Variants in SNTG1 observed in about 807,000 individuals in gnomAD.
SNTG1 encodes gamma-1-syntrophin.
Under a neutral mutation model 74.7 loss-of-function variants are expected in SNTG1, and 39 were observed. The observed-to-expected ratio is 0.52, with a 90% CI of 0.40 to 0.68. SNTG1 has a LOEUF of 0.68. Ranked by LOEUF, SNTG1 falls within the 30% of genes least tolerant of loss-of-function variation. The pLI, the probability that SNTG1 is intolerant of heterozygous loss-of-function variation, is 0.00. For synonymous variants in SNTG1, 254 were observed against 217.1 expected, an observed-to-expected ratio of 1.17 and a Z score of -1.49; for missense variants, 685 against 609.5, an observed-to-expected ratio of 1.12 and a Z score of -1.30.
intron 2 of SNTG1, among the ~76,000 whole-genome samples, chr8:50,296,598 C>G (rs1289630978): frequency 1.3e-5 from 2 of 152,080 alleles, no homozygotes; most frequent in Non-Finnish European, 2.9e-5. Flanking sequence ...ACAACACACA[C>G]TGGGGCCTGT....
intron 1 of SNTG1, among the ~76,000 whole-genome samples, chr8:50,109,472 T>C (rs900653860): frequency 6.6e-6 from 1 of 152,070 alleles, no homozygotes; most frequent in African/African-American, 2.4e-5. Flanking sequence ...GTGGGGAAAA[T>C]TGGTAAAACT....
intron 1 of SNTG1, among the ~76,000 whole-genome samples, chr8:50,071,997 A>G (rs1273166952): frequency 6.6e-6 from 1 of 152,218 alleles, no homozygotes; most frequent in African/African-American, 2.4e-5. Context: ...CTAGAAATTT[A>G]AATTATCAAA....
chr8:50,154,924 G>A (rs1380335827), intron 1 of SNTG1, among the ~76,000 whole-genome samples: 2 of 152,220 alleles, frequency 1.3e-5, no homozygotes, highest in African/African-American at 2.4e-5. Flanking sequence ...ATGTGGCAAT[G>A]TTAACCTGTT....
At chr8:50,584,707 A>G (rs1215261709) in intron 12 of SNTG1, among the ~76,000 whole-genome samples, 3 of 152,100 alleles carry the variant, frequency 2.0e-5, no homozygotes, top group Admixed American at 6.6e-5. Context: ...GTATCTGGAA[A>G]GAAACTTGAT....
intron 1 of SNTG1, among the ~76,000 whole-genome samples, chr8:50,075,076 C>A (rs1466063362): frequency 6.6e-6 from 1 of 152,218 alleles, no homozygotes; most frequent in African/African-American, 2.4e-5. Flanking sequence ...CATATTTTCA[C>A]CAGGCCTCAG....
At chr8:50,240,664 A>G (rs1372778567) in intron 2 of SNTG1, among the ~76,000 whole-genome samples, 1 of 152,142 alleles carries the variant, frequency 6.6e-6, no homozygotes, top group Non-Finnish European at 1.5e-5. Flanking sequence ...CCTCCCCGAC[A>G]TTGTCTCAGC....
intron 2 of SNTG1, among the ~76,000 whole-genome samples, chr8:50,353,067 A>G (rs1430237139): frequency 1.3e-5 from 2 of 152,096 alleles, no homozygotes; most frequent in East Asian, 1.9e-4. Context: ...ATGGAATACT[A>G]TGCAGCCATA....
intron 2 of SNTG1, among the ~76,000 whole-genome samples, chr8:50,324,219 T>A (rs1046737586): frequency 2.0e-5 from 3 of 152,096 alleles, no homozygotes; most frequent in African/African-American, 7.2e-5. Context: ...CTAATCCCAA[T>A]ATGGTTTTAT....
At chr8:50,751,323 G>T (rs1412543554) in intron 17 of SNTG1, among the ~76,000 whole-genome samples, 1 of 151,858 alleles carries the variant, frequency 6.6e-6, no homozygotes, top group Non-Finnish European at 1.5e-5. Context: ...CCTGCTCCCA[G>T]GAAATATGAT....
intron 5 of SNTG1, among the ~76,000 whole-genome samples, chr8:50,439,082 T>C (rs1358989984): frequency 6.6e-6 from 1 of 152,176 alleles, no homozygotes; most frequent in African/African-American, 2.4e-5. Flanking sequence ...TTAAAGTCTT[T>C]GCATATGCTT....
chr8:49,943,190 A>C (rs1156381782), intron 1 of SNTG1, among the ~76,000 whole-genome samples: 1 of 152,224 alleles, frequency 6.6e-6, no homozygotes. Flanking sequence ...ACGTTTCAGA[A>C]AGGTGAGGTG....
intron 1 of SNTG1, among the ~76,000 whole-genome samples, chr8:50,153,416 T>C (rs1157964264): frequency 6.6e-6 from 1 of 152,254 alleles, no homozygotes; most frequent in Non-Finnish European, 1.5e-5. Context: ...AGCATCATTC[T>C]CTCTCCAGTT....
At chr8:50,249,423 TGGG>T (rs1197331190) in intron 2 of SNTG1, among the ~76,000 whole-genome samples, 1 of 152,234 alleles carries the variant, frequency 6.6e-6, no homozygotes, top group Non-Finnish European at 1.5e-5. Context: ...CAGAGAGGTT[TGGG>T]GGCAGCCCCT....
At chr8:49,986,773 C>T (rs1035895079) in intron 1 of SNTG1, among the ~76,000 whole-genome samples, 31 of 151,620 alleles carry the variant, frequency 2.0e-4, no homozygotes, top group South Asian at 1.3e-3. Context: ...CCCAGCTGCT[C>T]GGGAGGCAGA....
chr8:50,765,593 T>C (rs2131759667), intron 18 of SNTG1, among the ~76,000 whole-genome samples: 1 of 152,124 alleles, frequency 6.6e-6, no homozygotes, highest in South Asian at 2.1e-4. Context: ...GTACATCTAT[T>C]CTATCTCCAA....
At chr8:50,047,419 CTT>C (rs1443233761) in intron 1 of SNTG1, among the ~76,000 whole-genome samples, 4 of 151,820 alleles carry the variant, frequency 2.6e-5, no homozygotes, top group South Asian at 2.1e-4. Flanking sequence ...CATTTATAAA[CTT>C]ATATTTTTTC....
intron 15 of SNTG1, among the ~76,000 whole-genome samples, chr8:50,680,397 G>T (rs1339274977): frequency 6.6e-6 from 1 of 152,078 alleles, no homozygotes; most frequent in African/African-American, 2.4e-5. Context: ...CTTGACTTAG[G>T]GGCATATAGC....
intron 13 of SNTG1, among the ~76,000 whole-genome samples, chr8:50,622,408 G>GT (rs1013044176): frequency 6.6e-6 from 1 of 151,960 alleles, no homozygotes; most frequent in Non-Finnish European, 1.5e-5. Context: ...TAATCTGTAG[G>GT]TTTTTTTCCT....
intron 1 of SNTG1, among the ~76,000 whole-genome samples, chr8:50,035,229 G>C (rs1035576511): frequency 1.3e-5 from 2 of 152,194 alleles, no homozygotes; most frequent in Non-Finnish European, 2.9e-5. Flanking sequence ...TCTTAGAGTT[G>C]ATGGTATTTC....
Sources: gnomAD v4.1 joint callset for allele counts (sites outside exome capture counted in the v4.1 genomes callset) on GRCh38, gnomAD v4.1.1 for gene constraint, MANE v1.5 for transcripts, NCBI Gene and HGNC (gene_info 2026-07-23, HGNC 2026-07-21) for gene names.